Variants in LPP observed in about 807,000 individuals in gnomAD.
LPP encodes LIM domain containing preferred translocation partner in lipoma, also known as lipoma-preferred partner.
Under a neutral mutation model 60.4 loss-of-function variants are expected in LPP, and 38 were observed. The observed-to-expected ratio is 0.63, with a 90% CI of 0.49 to 0.83. The LOEUF is 0.83. Among genes scored for constraint, LPP ranks in the 40% least tolerant of loss-of-function variants. The probability of loss-of-function intolerance (pLI) is 0.00; values close to 1 mark genes in which losing one functional copy is unlikely to be tolerated. For missense variants in LPP, 902 were observed against 783.6 expected, an observed-to-expected ratio of 1.15 and a Z score of -1.80; for synonymous variants, 328 against 290.8, an observed-to-expected ratio of 1.13 and a Z score of -1.30.
At position 188,864,104 on chromosome 3, in the gene LPP, C is replaced by G. The variant is rs537935735; in HGVS notation, c.1411-2096C>G. ...CCATCATCATCTCCAAACTCTTACC[C>G]TGTGCTCTTCTGCTATTTTAATTTC... On this transcript the variant is annotated intron_variant, in intron 9 of 11. Coordinates refer to ENST00000617246, the MANE Select transcript of LPP (RefSeq NM_001375462.1). 5.3e-5 allele frequency among the ~76,000 whole-genome samples: 8 copies of G among 152,258 alleles called. No homozygotes were observed. The East Asian group carries it at 1.2e-3, about 22-fold the overall frequency.
intron 6 of LPP, among the ~76,000 whole-genome samples, chr3:188,581,076 T>C (rs1835971504): frequency 6.6e-6 from 1 of 152,076 alleles, no homozygotes; most frequent in South Asian, 2.1e-4. Context: ...TGGAGTTTGA[T>C]TGAATAAATG....
chr3:188,570,023 C>CTTT (rs5855208), intron 6 of LPP, among the ~76,000 whole-genome samples: 1 of 145,746 alleles, frequency 6.9e-6, no homozygotes, highest in Admixed American at 6.8e-5. Flanking sequence ...AGTTTAATGG[C>CTTT]TTTTTTTTTT....
intron 8 of LPP, among the ~76,000 whole-genome samples, chr3:188,758,014 G>T (rs979902201): frequency 4.0e-5 from 6 of 150,132 alleles, no homozygotes; most frequent in Non-Finnish European, 7.4e-5. Context: ...TTCAGTCTTG[G>T]ATAAAAACTT....
At chr3:188,573,223 A>C (rs1833896581) in intron 6 of LPP, among the ~76,000 whole-genome samples, 1 of 152,148 alleles carries the variant, frequency 6.6e-6, no homozygotes. Context: ...CAACCTGCAC[A>C]GAAGAGACAG....
At chr3:188,764,176 A>G (rs1389395160) in intron 9 of LPP, among the ~76,000 whole-genome samples, 1 of 152,200 alleles carries the variant, frequency 6.6e-6, no homozygotes, top group Admixed American at 6.5e-5. Context: ...AAAGATCACT[A>G]AAACTTTGTT....
chr3:188,554,355 A>G (rs961286044), intron 6 of LPP, among the ~76,000 whole-genome samples: 4 of 152,216 alleles, frequency 2.6e-5, no homozygotes, highest in African/African-American at 9.6e-5. Flanking sequence ...ACTTGCAAAT[A>G]GAGCTGACAA....
chr3:188,239,042 C>T lies in LPP; in HGVS notation c.-67+13515C>T, dbSNP rs538196409. ...CCACATAAATCTAACAAAAGAATGA[C>T]AAAACATATTTCTGTTTTTCAGCTC... On this transcript the variant is annotated intron_variant, in intron 2 of 11. Transcript: ENST00000617246. Among the ~76,000 whole-genome samples, 5 of 152,326 alleles carry T rather than the reference C, an allele frequency of 3.3e-5. No homozygotes were observed. The East Asian group carries it at 9.6e-4, about 29-fold the overall frequency.
At chr3:188,771,158 A>G (rs1321061257) in intron 9 of LPP, among the ~76,000 whole-genome samples, 2 of 152,202 alleles carry the variant, frequency 1.3e-5, no homozygotes, top group East Asian at 3.8e-4. Context: ...CACATTATAT[A>G]TTATAACATT....
At chr3:188,804,602 C>T (rs551825525) in intron 9 of LPP, among the ~76,000 whole-genome samples, 5 of 151,816 alleles carry the variant, frequency 3.3e-5, no homozygotes, top group African/African-American at 1.2e-4. Context: ...ACTTGTACCC[C>T]CAAATATATA....
chr3:188,641,464 A>G (rs1286002308), intron 7 of LPP, among the ~76,000 whole-genome samples: 3 of 152,182 alleles, frequency 2.0e-5, no homozygotes, highest in African/African-American at 7.2e-5. Flanking sequence ...TCAGTAAGAG[A>G]GGCAAGCACA....
chr3:188,436,334 GA>G (rs1008537155), intron 4 of LPP, among the ~76,000 whole-genome samples: 12 of 152,066 alleles, frequency 7.9e-5, no homozygotes, highest in African/African-American at 2.9e-4. Flanking sequence ...TATTTTACAC[GA>G]AGAAACTGAG....
intron 3 of LPP, among the ~76,000 whole-genome samples, chr3:188,378,894 T>C (rs1776071352): frequency 6.6e-6 from 1 of 152,160 alleles, no homozygotes; most frequent in African/African-American, 2.4e-5. Context: ...TCATTCCACA[T>C]GTATTTCTTT....
chr3:188,389,305 G>A (rs1431377009), intron 3 of LPP, among the ~76,000 whole-genome samples: 6 of 152,168 alleles, frequency 3.9e-5, no homozygotes. Flanking sequence ...ATAGGTCACT[G>A]GTTTGCTTCA....
intron 2 of LPP, chr3:188,240,055 A>C (rs538813504): frequency 5.1e-6 from 1 of 197,494 alleles, no homozygotes; most frequent in Non-Finnish European, 1.1e-5. Flanking sequence ...TTGAGCACCT[A>C]GATCTCTGGT....
rs374798873 is a variant in LPP at position 188,671,230 on chromosome 3, T to A, written c.1114-37037T>A. ...GAAAAGAATAACAATTTGAATTCCT[T>A]TGTCCTATCCCCATAGGACCTAGCA... is the stretch of plus-strand genomic sequence containing the variant. On this transcript the variant is annotated intron_variant, in intron 7 of 11. Coordinates refer to ENST00000617246, the MANE Select transcript of LPP (RefSeq NM_001375462.1). Among the ~76,000 whole-genome samples, 13 of 152,350 alleles carry A rather than the reference T, an allele frequency of 8.5e-5. 1 individual carries two copies. Among genetic ancestry groups the A allele is most frequent in the East Asian group, 7.7e-4 (4 of 5,180 alleles).
At chr3:188,750,458 C>T (rs62291302) in intron 8 of LPP, among the ~76,000 whole-genome samples, 30,628 of 151,896 alleles carry the variant, frequency 0.2, 3,773 homozygotes, top group Middle Eastern at 0.42. Flanking sequence ...TGGTGAAACC[C>T]CATCTCTACT....
chr3:188,631,360 A>G (rs1847825367), intron 7 of LPP, among the ~76,000 whole-genome samples: 1 of 152,150 alleles, frequency 6.6e-6, no homozygotes, highest in Non-Finnish European at 1.5e-5. Context: ...GGACACTCCT[A>G]TTAAGTTTCT....
intron 3 of LPP, among the ~76,000 whole-genome samples, chr3:188,345,106 A>G (rs1279225461): frequency 1.3e-5 from 2 of 152,214 alleles, no homozygotes; most frequent in African/African-American, 4.8e-5. Flanking sequence ...TTTTTGACTG[A>G]TCTTGGACTA....
At chr3:188,413,260 G>A (rs1428155858) in intron 4 of LPP, among the ~76,000 whole-genome samples, 1 of 152,088 alleles carries the variant, frequency 6.6e-6, no homozygotes, top group Non-Finnish European at 1.5e-5. Flanking sequence ...TTCTGTCTCT[G>A]GAGTCTTATT....
Sources: gnomAD v4.1 joint callset for allele counts (sites outside exome capture counted in the v4.1 genomes callset) on GRCh38, gnomAD v4.1.1 for gene constraint, MANE v1.5 for transcripts, NCBI Gene and HGNC (gene_info 2026-07-23, HGNC 2026-07-21) for gene names.